MAN1C1: variants seen among roughly 807,000 people sequenced by gnomAD.
The protein encoded by MAN1C1 is mannosidase alpha class 1C member 1, also known as mannosyl-oligosaccharide 1,2-alpha-mannosidase IC.
Under a neutral mutation model 71.5 loss-of-function variants are expected in MAN1C1, and 49 were observed. That is an observed-to-expected ratio of 0.69 (90% confidence interval 0.54 to 0.87). The LOEUF (loss-of-function observed/expected upper bound fraction) is 0.87. MAN1C1 is among the 40% of genes least tolerant of loss of function. MAN1C1 has a pLI of 0.00. For synonymous variants in MAN1C1, 352 were observed against 343.7 expected (o/e 1.02, Z -0.27); for missense variants, 743 against 835.0 (o/e 0.89, Z 1.36).
At chr1:25,685,542 A>G (rs372257284) in intron 1 of MAN1C1, among the ~76,000 whole-genome samples, 1 of 152,234 alleles carries the variant, frequency 6.6e-6, no homozygotes, top group East Asian at 1.9e-4. Flanking sequence ...GTGACCTTGC[A>G]TCTGCTTCAG....
At chr1:25,740,508 C>T (rs1436892619) in intron 2 of MAN1C1, among the ~76,000 whole-genome samples, 2 of 152,160 alleles carry the variant, frequency 1.3e-5, no homozygotes, top group East Asian at 3.9e-4. Flanking sequence ...GCTATCTCGG[C>T]TCACTGCAAG....
intron 8 of MAN1C1, among the ~76,000 whole-genome samples, chr1:25,772,971 C>G (rs1470386563): frequency 2.6e-5 from 4 of 152,240 alleles, no homozygotes; most frequent in African/African-American, 9.6e-5. Flanking sequence ...ACTCTCAATT[C>G]AAATGCCACT....
chr1:25,753,135 C>G lies in MAN1C1; in HGVS notation c.835-349C>G, dbSNP rs770558295. 1.3e-5 allele frequency among the ~76,000 whole-genome samples: 2 copies of G among 152,152 alleles called. No homozygotes were observed. Among genetic ancestry groups the G allele is most frequent in the Non-Finnish European group, 2.9e-5 (2 of 68,026 alleles). On this transcript the variant is annotated intron_variant, in intron 4 of 11. Transcript: ENST00000374332. The surrounding 1 kb of genome is among the most constrained non-coding windows in gnomAD (Gnocchi z 4.9). Reference sequence around the variant, plus strand: ...CCCCCCGCACCTCACTGCTTTCTCCCTCATCTTCCCAGTGGCTGCCCCATC... The same window carrying G: ...CCCCCCGCACCTCACTGCTTTCTCCGTCATCTTCCCAGTGGCTGCCCCATC...
intron 1 of MAN1C1, among the ~76,000 whole-genome samples, chr1:25,623,710 C>T (rs1256473166): frequency 6.6e-6 from 1 of 151,656 alleles, no homozygotes; most frequent in Non-Finnish European, 1.5e-5. Context: ...GGTGAGCACC[C>T]AGCCTTGTGG....
intron 3 of MAN1C1, among the ~76,000 whole-genome samples, chr1:25,748,867 A>G (rs992790028): frequency 1.3e-5 from 2 of 152,150 alleles, no homozygotes; most frequent in Middle Eastern, 3.4e-3. Flanking sequence ...CTTCCTGCTG[A>G]GCCTTGGGGT....
intron 1 of MAN1C1, among the ~76,000 whole-genome samples, chr1:25,663,958 T>C (rs191319240): frequency 3.3e-5 from 5 of 152,346 alleles, no homozygotes; most frequent in Admixed American, 3.3e-4. Flanking sequence ...AACCAGGGGT[T>C]ATATGAATTT....
chr1:25,618,427 A>G, intron 1 of MAN1C1, 90 bp downstream of exon 1: 2 of 1,300,362 alleles, frequency 1.5e-6, no homozygotes, highest in Non-Finnish European at 2.1e-6. Context: ...CCCTTGCCTC[A>G]GTCACTCCTG....
At chr1:25,771,815 C>A in intron 8 of MAN1C1, 43 bp downstream of exon 8, 3 of 1,506,032 alleles carry the variant, frequency 2.0e-6, no homozygotes, top group East Asian at 2.3e-5. Flanking sequence ...TGGTCACCAG[C>A]CCCCGGCTCT....
intron 1 of MAN1C1, among the ~76,000 whole-genome samples, chr1:25,650,047 T>TG (rs915599907): frequency 2.0e-5 from 3 of 151,874 alleles, no homozygotes; most frequent in African/African-American, 7.3e-5. Flanking sequence ...TTGCCAAAGT[T>TG]GGGGGAGGGG....
intron 2 of MAN1C1, among the ~76,000 whole-genome samples, chr1:25,726,059 G>A (rs1222541740): frequency 1.3e-5 from 2 of 152,226 alleles, no homozygotes; most frequent in African/African-American, 4.8e-5. Context: ...CTATGATGGG[G>A]GACTCTCTTA....
chr1:25,696,285 C>T (rs1233535564), intron 2 of MAN1C1, among the ~76,000 whole-genome samples: 1 of 152,162 alleles, frequency 6.6e-6, no homozygotes, highest in Non-Finnish European at 1.5e-5. Flanking sequence ...GACTACCAGG[C>T]CACTTGGATC....
Position 25,764,114 on chromosome 1 carries a change from C to G in MAN1C1, c.1141+147C>G. The G allele has an allele frequency of 1.5e-6, 1 of 655,936 alleles. No individual in the cohort carries two copies. The highest frequency in any genetic ancestry group is 1.8e-5 in the South Asian group (1 of 54,176). 40.6% of individuals were successfully genotyped at this position (655,936 alleles called of 1,614,324 possible). A position where few individuals can be genotyped will look rare whatever the true frequency, so the allele number is the denominator to read the frequency against. On this transcript the variant is annotated intron_variant, in intron 7 of 11. Transcript: ENST00000374332. This position sits in a 1 kb window ranked among gnomAD's most constrained non-coding sequence, Gnocchi z 4.4. ...GCATTCGCTCGGTGCTCCTGGACAC[C>G]ACCTGCCTTCCCATGCATCCTGGGG...
intron 1 of MAN1C1, among the ~76,000 whole-genome samples, chr1:25,636,720 G>A (rs7541714): frequency 0.17 from 25,462 of 152,160 alleles, 5,305 homozygotes; most frequent in African/African-American, 0.48. Context: ...TGAAGATAAC[G>A]GGATTAAGAG....
chr1:25,718,612 G>A (rs2046716038), intron 2 of MAN1C1, among the ~76,000 whole-genome samples: 1 of 152,126 alleles, frequency 6.6e-6, no homozygotes, highest in Non-Finnish European at 1.5e-5. Context: ...CCATCCCCAG[G>A]CAGCCAGTAA....
intron 1 of MAN1C1, among the ~76,000 whole-genome samples, chr1:25,638,456 C>G (rs2045493704): frequency 6.6e-6 from 1 of 152,084 alleles, no homozygotes; most frequent in Non-Finnish European, 1.5e-5. Context: ...TTTTATTTAC[C>G]CATATACTGA....
intron 1 of MAN1C1, among the ~76,000 whole-genome samples, chr1:25,654,643 T>G (rs2045738194): frequency 1.3e-5 from 2 of 152,086 alleles, no homozygotes; most frequent in South Asian, 4.1e-4. Flanking sequence ...GGCTGTAAAT[T>G]TTCCTTTTTT....
At chr1:25,728,733 T>C (rs1213482479) in intron 2 of MAN1C1, among the ~76,000 whole-genome samples, 1 of 152,158 alleles carries the variant, frequency 6.6e-6, no homozygotes, top group Non-Finnish European at 1.5e-5. Context: ...CATTGGGTCC[T>C]GCGGCTCCAC....
At position 25,769,510 on chromosome 1, in the gene MAN1C1, T is replaced by G. The variant is rs1025249753; in HGVS notation, c.1142-2147T>G. Among the ~76,000 whole-genome samples the G allele has an allele frequency of 2.2e-4, 34 of 152,130 alleles. No homozygotes were observed. The highest frequency in any genetic ancestry group is 7.2e-4 in the African/African-American group (30 of 41,474). On this transcript the variant is annotated intron_variant, in intron 7 of 11. Coordinates refer to ENST00000374332, the MANE Select transcript of MAN1C1 (RefSeq NM_020379.4). The surrounding 1 kb of genome is among the most constrained non-coding windows in gnomAD (Gnocchi z 4.8). ...CGCGGACCCTAATGACCTGGCTCCC[T>G]CCCCTGCGTGCCCCTCCAGAGGAAG... is the stretch of plus-strand genomic sequence containing the variant.
At chr1:25,703,387 A>G (rs990726391) in intron 2 of MAN1C1, among the ~76,000 whole-genome samples, 1 of 152,184 alleles carries the variant, frequency 6.6e-6, no homozygotes, top group African/African-American at 2.4e-5. Flanking sequence ...GTTTGGTGAA[A>G]GTGGGATCTG....
Sources: allele counts gnomAD v4.1 joint callset (sites outside exome capture counted in the v4.1 genomes callset), GRCh38; gene constraint gnomAD v4.1.1; non-coding constraint Gnocchi (gnomAD v3.1); transcripts MANE v1.5; gene names NCBI Gene and HGNC (gene_info 2026-07-23, HGNC 2026-07-21).